CNTNAP2: variants seen among roughly 807,000 people sequenced by gnomAD.
The protein encoded by CNTNAP2 is contactin associated protein 2, also known as contactin-associated protein-like 2.
In CNTNAP2, 98 loss-of-function variants were observed where a neutral mutation model predicts 155.2. The ratio of observed to expected loss-of-function variants is 0.63; its 90% CI spans 0.54 to 0.75. CNTNAP2 has a LOEUF of 0.75. Ranked by LOEUF, CNTNAP2 falls within the 30% of genes least tolerant of loss-of-function variation. CNTNAP2 has a pLI of 0.00. For missense variants in CNTNAP2, 1,727 were observed against 1,688.1 expected, an observed-to-expected ratio of 1.02 and a Z score of -0.40; for synonymous variants, 651 against 631.2, an observed-to-expected ratio of 1.03 and a Z score of -0.47.
At chr7:147,876,845 A>G (rs888636457) in intron 13 of CNTNAP2, among the ~76,000 whole-genome samples, 4 of 152,278 alleles carry the variant, frequency 2.6e-5, no homozygotes, top group Middle Eastern at 3.4e-3. Context: ...TTGCAAGAAC[A>G]GGAACATTAG....
In CNTNAP2 at chr7:147,106,699, G is replaced by A. The variant is rs139155479; in HGVS notation, c.551-1448G>A. Among the ~76,000 whole-genome samples the A allele has an allele frequency of 2.3e-3, 345 of 152,250 alleles. 4 individuals are homozygous for A. Among genetic ancestry groups the A allele is most frequent in the African/African-American group, 7.4e-3 (309 of 41,562 alleles). ...AAGCCATCAATGATTTGAAAGGCAT[G>A]CTTAGATTTCATTTTATTCGAAGTA... On this transcript the variant is annotated intron_variant, in intron 4 of 23. Transcript: ENST00000361727.
At chr7:147,254,781 TA>T (rs1288073498) in intron 8 of CNTNAP2, among the ~76,000 whole-genome samples, 1 of 152,220 alleles carries the variant, frequency 6.6e-6, no homozygotes, top group African/African-American at 2.4e-5. Context: ...AGCCAATTTT[TA>T]AAATTCTCAT....
chr7:146,806,692 T>C (rs1318487308), intron 2 of CNTNAP2, among the ~76,000 whole-genome samples: 1 of 152,188 alleles, frequency 6.6e-6, no homozygotes, highest in Non-Finnish European at 1.5e-5. Flanking sequence ...TATAGAGAGT[T>C]GGTATTCTGC....
chr7:148,222,597 G>C (rs984092091), intron 19 of CNTNAP2, among the ~76,000 whole-genome samples: 4 of 68,222 alleles, frequency 5.9e-5, no homozygotes, highest in Non-Finnish European at 3.3e-5. Flanking sequence ...CATGAGGACA[G>C]AGTCCTCATG....
intron 3 of CNTNAP2, among the ~76,000 whole-genome samples, chr7:146,933,798 C>T (rs1465445209): frequency 6.6e-6 from 1 of 152,120 alleles, no homozygotes; most frequent in Non-Finnish European, 1.5e-5. Flanking sequence ...ACAGACACTT[C>T]TCAAAAGAAG....
chr7:147,618,958 A>G (rs1801344211), intron 12 of CNTNAP2, among the ~76,000 whole-genome samples: 1 of 152,202 alleles, frequency 6.6e-6, no homozygotes, highest in African/African-American at 2.4e-5. Flanking sequence ...ACATGACTAC[A>G]CTGGTTAATC....
At chr7:147,345,882 A>T (rs1393388549) in intron 9 of CNTNAP2, among the ~76,000 whole-genome samples, 1 of 152,202 alleles carries the variant, frequency 6.6e-6, no homozygotes, top group East Asian at 1.9e-4. Context: ...AAGGAACTAG[A>T]ATCTAACCCT....
At chr7:147,365,735 T>A (rs529733497) in intron 9 of CNTNAP2, among the ~76,000 whole-genome samples, 1 of 152,316 alleles carries the variant, frequency 6.6e-6, no homozygotes, top group East Asian at 1.9e-4. Context: ...AAGTTATATT[T>A]CCTATTTTAT....
At chr7:146,163,187 A>G (rs1454995432) in intron 1 of CNTNAP2, among the ~76,000 whole-genome samples, 1 of 152,138 alleles carries the variant, frequency 6.6e-6, no homozygotes, top group African/African-American at 2.4e-5. Context: ...AAATAACATT[A>G]AAGCAATTGA....
chr7:147,985,134 ATAAATAAATAAAT>A (rs1182124107), intron 15 of CNTNAP2, among the ~76,000 whole-genome samples: 32 of 149,582 alleles, frequency 2.1e-4, no homozygotes, highest in East Asian at 2.0e-4. Context: ...AAATAAATAA[ATAAATAAATAAAT>A]AACTATTTAC....
chr7:147,398,299 T>A (rs1454466528), intron 10 of CNTNAP2, among the ~76,000 whole-genome samples: 1 of 152,016 alleles, frequency 6.6e-6, no homozygotes, highest in African/African-American at 2.4e-5. Context: ...TATCTACAAC[T>A]TTCTTTTCAG....
At chr7:147,788,900 CTTTTTTT>C (rs11440955) in intron 13 of CNTNAP2, among the ~76,000 whole-genome samples, 3 of 100,746 alleles carry the variant, frequency 3.0e-5, no homozygotes, top group African/African-American at 4.4e-5. Context: ...TTTTCTTTTT[CTTTTTTT>C]TTTTTTTTTT....
At chr7:148,413,003 A>G (rs1799876781) in intron 23 of CNTNAP2, among the ~76,000 whole-genome samples, 1 of 152,098 alleles carries the variant, frequency 6.6e-6, no homozygotes, top group African/African-American at 2.4e-5. Flanking sequence ...TTATTTTTTA[A>G]TGTTAAACCA....
At chr7:146,674,719 G>A (rs1357488243) in intron 1 of CNTNAP2, among the ~76,000 whole-genome samples, 2 of 152,162 alleles carry the variant, frequency 1.3e-5, no homozygotes, top group Admixed American at 6.5e-5. Flanking sequence ...GTGTGATAAA[G>A]TGTGGGGAAG....
At chr7:146,477,502 A>T (rs6944520) in intron 1 of CNTNAP2, among the ~76,000 whole-genome samples, 31,119 of 151,908 alleles carry the variant, frequency 0.2, 4,465 homozygotes, top group African/African-American at 0.41. Flanking sequence ...CTATGTAATC[A>T]TTTTACATAA....
chr7:147,945,831 CACTT>C (rs1021122332), intron 14 of CNTNAP2, among the ~76,000 whole-genome samples: 2 of 151,078 alleles, frequency 1.3e-5, no homozygotes, highest in East Asian at 1.9e-4. Flanking sequence ...TCGCATTCCC[CACTT>C]ACTTCTCTTT....
intron 9 of CNTNAP2, among the ~76,000 whole-genome samples, chr7:147,343,879 T>C (rs1379794239): frequency 6.6e-6 from 1 of 152,126 alleles, no homozygotes; most frequent in African/African-American, 2.4e-5. Context: ...AAACTGTCCT[T>C]CTAAAGTGAC....
rs555420547 is a variant in CNTNAP2, at chr7:146,685,075, C to T, written c.98-89196C>T. Among the ~76,000 whole-genome samples, 11 of 152,104 alleles carry T rather than the reference C, an allele frequency of 7.2e-5. No individual in the cohort carries two copies. The South Asian group carries it at 2.3e-3, about 32-fold the overall frequency. On this transcript the variant is annotated intron_variant, in intron 1 of 23. Transcript: ENST00000361727. Reference sequence around the variant, plus strand: ...AAATAATAAAAACAAGAATGATGCACAGGTACCATTATTTTCAACATTGTT... The same window carrying T: ...AAATAATAAAAACAAGAATGATGCATAGGTACCATTATTTTCAACATTGTT...
intron 1 of CNTNAP2, among the ~76,000 whole-genome samples, chr7:146,252,915 T>C (rs911705354): frequency 2.0e-5 from 3 of 152,242 alleles, no homozygotes; most frequent in Middle Eastern, 6.8e-3. Flanking sequence ...ACAATTATAA[T>C]GGCAAAAGCA....
Sources: allele counts gnomAD v4.1 joint callset (sites outside exome capture counted in the v4.1 genomes callset), GRCh38; gene constraint gnomAD v4.1.1; transcripts MANE v1.5; gene names NCBI Gene and HGNC (gene_info 2026-07-23, HGNC 2026-07-21).